Variants in SC5D observed in about 807,000 individuals in gnomAD.
The protein encoded by SC5D is sterol-C5-desaturase.
A neutral mutation model predicts 23.9 loss-of-function variants in SC5D; 21 were observed. The observed-to-expected ratio is 0.88, with a 90% CI of 0.62 to 1.26. The LOEUF (loss-of-function observed/expected upper bound fraction) is 1.26, where lower values mean the gene tolerates loss of function less well. SC5D is among the 50% of genes most tolerant of loss of function. The pLI, the probability that SC5D is intolerant of heterozygous loss-of-function variation, is 0.00. For missense variants in SC5D, 309 were observed against 364.8 expected, an observed-to-expected ratio of 0.85 and a Z score of 1.25; for synonymous variants, 113 against 125.9, an observed-to-expected ratio of 0.90 and a Z score of 0.68.
intron 4 of SC5D, among the ~76,000 whole-genome samples, 154 bp from the exon 5 acceptor site, chr11:121,306,903 T>G (rs928696847): frequency 6.6e-6 from 1 of 152,234 alleles, no homozygotes; most frequent in Admixed American, 6.5e-5. Context: ...AAAATTATAC[T>G]GTTTTAGGGC....
Position 121,308,764 on chromosome 11 carries a change from G to GGAAA in SC5D, c.*1256_*1259dup, listed in dbSNP as rs1947987714. 6.6e-6 allele frequency: 1 copy of GGAAA among 152,590 alleles called. No individual in the cohort carries two copies. Among genetic ancestry groups the GGAAA allele is most frequent in the South Asian group, 2.1e-4 (1 of 4,826 alleles). The allele number at this position is 152,590 out of a possible 1,614,324, so 9.5% of individuals were successfully genotyped here. A position where few individuals can be genotyped will look rare whatever the true frequency, so the allele number is the denominator to read the frequency against. On this transcript the variant is annotated 3_prime_UTR_variant, in exon 5 of 5. Transcript: ENST00000264027. ...TCCCCGGACACTCAGTGTCACAGGG[G>GGAAA]GAAAGAAGTGGGTACCACATTCTGT...
intron 1 of SC5D, among the ~76,000 whole-genome samples, chr11:121,293,763 A>G (rs777091319): frequency 6.6e-6 from 1 of 152,214 alleles, no homozygotes; most frequent in African/African-American, 2.4e-5. Flanking sequence ...TCATTTACAG[A>G]GTGCTTTTCC....
chr11:121,296,109 G>A (rs997235174), intron 1 of SC5D, among the ~76,000 whole-genome samples: 2 of 152,012 alleles, frequency 1.3e-5, no homozygotes, highest in South Asian at 2.1e-4. Flanking sequence ...GGCTTCAAGC[G>A]GTCCTCCTAC....
intron 1 of SC5D, among the ~76,000 whole-genome samples, chr11:121,302,640 G>A (rs75051127): frequency 0.096 from 14,651 of 152,186 alleles, 944 homozygotes; most frequent in East Asian, 0.26. Flanking sequence ...CAGAAAAGCA[G>A]CCACAGACAG....
chr11:121,304,862 A>G (rs902210346), intron 3 of SC5D: 1 of 246,068 alleles, frequency 4.1e-6, no homozygotes, highest in South Asian at 4.9e-5. Flanking sequence ...CTTCTTAGAA[A>G]CTGTAACTCT....
rs979601123 is a variant in SC5D at position 121,304,199 on chromosome 11, T to G, written c.211-162T>G. 3 of 625,928 alleles carry G rather than the reference T, an allele frequency of 4.8e-6. No homozygotes were observed. In the Admixed American group the frequency reaches 8.3e-5, roughly 17 times the overall value. The allele number at this position is 625,928 out of a possible 1,614,324, so 38.8% of individuals were successfully genotyped here. ...TCTCAGTACAAAAGGAATGATTTTC[T>G]TACATACCTATTTTTATGTATTTAA... On this transcript the variant is annotated intron_variant, in intron 2 of 4. Transcript: ENST00000264027.
rs1317904326 is a variant in SC5D at position 121,310,077 on chromosome 11, G to T, written c.*2565G>T. Among the ~76,000 whole-genome samples the T allele has an allele frequency of 6.6e-6, 1 of 152,146 alleles. No homozygotes were observed. The highest frequency in any genetic ancestry group is 2.4e-5 in the African/African-American group (1 of 41,422). The stretch of plus-strand genomic sequence containing the variant: ...AGAAGCTGGGGACAGATTTGGAAGA[G>T]AATTACACAAGTTCAGTTTTTTGAT... On this transcript the variant is annotated 3_prime_UTR_variant, in exon 5 of 5. Coordinates refer to ENST00000264027, the MANE Select transcript of SC5D (RefSeq NM_006918.5).
At position 121,309,478 on chromosome 11, in the gene SC5D, C is replaced by A. The variant is rs1159521173; in HGVS notation, c.*1966C>A. On this transcript the variant is annotated 3_prime_UTR_variant, in exon 5 of 5. Transcript: ENST00000264027. ...GACAGTTTGCCGTATTTGTGGTGTTCTCCTCTTGTTGATGTTGAAATGGTG... is the reference window on the plus strand; with the variant it reads ...GACAGTTTGCCGTATTTGTGGTGTTATCCTCTTGTTGATGTTGAAATGGTG... 1.3e-5 allele frequency among the ~76,000 whole-genome samples: 2 copies of A among 152,128 alleles called. No homozygotes were observed. The highest frequency in any genetic ancestry group is 2.9e-5 in the Non-Finnish European group (2 of 68,024).
rs1352784856 is a variant in SC5D at position 121,309,458 on chromosome 11, T to C, written c.*1946T>C. Among the ~76,000 whole-genome samples, 1 of 152,138 alleles carries C rather than the reference T, an allele frequency of 6.6e-6. No individual in the cohort carries two copies. Among genetic ancestry groups the C allele is most frequent in the Admixed American group, 6.5e-5 (1 of 15,278 alleles). ...ACCATTTTCTTGAGCAGCTAGACAG[T>C]TTGCCGTATTTGTGGTGTTCTCCTC... On this transcript the variant is annotated 3_prime_UTR_variant, in exon 5 of 5. Coordinates refer to ENST00000264027, the MANE Select transcript of SC5D (RefSeq NM_006918.5).
chr11:121,309,434 C>T lies in SC5D; in HGVS notation c.*1922C>T, dbSNP rs1947992753. Among the ~76,000 whole-genome samples the T allele has an allele frequency of 1.3e-5, 2 of 152,074 alleles. No homozygotes were observed. The highest frequency in any genetic ancestry group is 1.3e-4 in the Admixed American group (2 of 15,270). On this transcript the variant is annotated 3_prime_UTR_variant, in exon 5 of 5. Transcript: ENST00000264027. ...CTGTGTGCCTGGGAGGAAGGGGGCA[C>T]CATTTTCTTGAGCAGCTAGACAGTT...
Position 121,312,269 on chromosome 11 carries a change from T to C in SC5D, c.*4757T>C, listed in dbSNP as rs1169544304. On this transcript the variant is annotated 3_prime_UTR_variant, in exon 5 of 5. Coordinates refer to ENST00000264027, the MANE Select transcript of SC5D (RefSeq NM_006918.5). ...TTTGGTATGGGAAGAAAAATACTTA[T>C]AAATACTTGTTTTAATATTTGCTTT... Among the ~76,000 whole-genome samples, 4 of 152,188 alleles carry C rather than the reference T, an allele frequency of 2.6e-5. No homozygotes were observed. In the East Asian group the frequency reaches 5.8e-4, roughly 22 times the overall value.
chr11:121,310,185 A>G lies in SC5D; in HGVS notation c.*2673A>G, dbSNP rs1173741780. ...ATGGAAACTAGGGAGATGACTGAGA[A>G]CAAAGATATTTGGGATTAACACAGA... On this transcript the variant is annotated 3_prime_UTR_variant, in exon 5 of 5. Transcript: ENST00000264027. Among the ~76,000 whole-genome samples the G allele has an allele frequency of 6.6e-6, 1 of 152,230 alleles. No individual in the cohort carries two copies. The highest frequency in any genetic ancestry group is 6.5e-5 in the Admixed American group (1 of 15,288).
chr11:121,297,939 C>G (rs1947900684), intron 1 of SC5D, among the ~76,000 whole-genome samples: 1 of 152,156 alleles, frequency 6.6e-6, no homozygotes, highest in Admixed American at 6.5e-5. Flanking sequence ...TTCTAGACAG[C>G]TCTTTTATGC....
At position 121,310,362 on chromosome 11, in the gene SC5D, G is replaced by A. The variant is rs2134273573; in HGVS notation, c.*2850G>A. On this transcript the variant is annotated 3_prime_UTR_variant, in exon 5 of 5. Coordinates refer to ENST00000264027, the MANE Select transcript of SC5D (RefSeq NM_006918.5). ...CCAGTGAGATAGTATGTAGAGGTGG[G>A]GCCTTGAGGAAGTGATTAAGTCATG... Among the ~76,000 whole-genome samples the A allele has an allele frequency of 6.6e-6, 1 of 152,240 alleles. No homozygotes were observed. The highest frequency in any genetic ancestry group is 2.1e-4 in the South Asian group (1 of 4,824).
At chr11:121,293,724 A>C (rs1947869044) in intron 1 of SC5D, among the ~76,000 whole-genome samples, 1 of 152,264 alleles carries the variant, frequency 6.6e-6, no homozygotes, top group Admixed American at 6.5e-5. Flanking sequence ...CTAATGATTG[A>C]TACCTAGTAA....
intron 1 of SC5D, among the ~76,000 whole-genome samples, chr11:121,298,881 A>G (rs529623923): frequency 6.6e-6 from 1 of 152,322 alleles, no homozygotes; most frequent in East Asian, 1.9e-4. Context: ...AATTATAGTC[A>G]AAGGGAGTTG....
intron 1 of SC5D, among the ~76,000 whole-genome samples, chr11:121,300,651 A>T (rs989695297): frequency 1.3e-5 from 2 of 152,206 alleles, no homozygotes; most frequent in Non-Finnish European, 2.9e-5. Flanking sequence ...GGGCTTTGAA[A>T]AGCTCTGTTT....
chr11:121,301,807 T>C (rs963782355), intron 1 of SC5D, among the ~76,000 whole-genome samples: 2 of 152,148 alleles, frequency 1.3e-5, no homozygotes, highest in Admixed American at 6.5e-5. Context: ...GAGCATGATA[T>C]TTATGTAGGG....
chr11:121,293,720 A>C (rs1242738445), intron 1 of SC5D, among the ~76,000 whole-genome samples: 3 of 152,160 alleles, frequency 2.0e-5, no homozygotes, highest in Non-Finnish European at 2.9e-5. Context: ...GTTTCTAATG[A>C]TTGATACCTA....
Sources: gnomAD v4.1 joint callset for allele counts (sites outside exome capture counted in the v4.1 genomes callset) on GRCh38, gnomAD v4.1.1 for gene constraint, MANE v1.5 for transcripts, NCBI Gene and HGNC (gene_info 2026-07-23, HGNC 2026-07-21) for gene names.